The following NCAM2 variants were observed in gnomAD, a reference collection of about 807,000 sequenced individuals.
NCAM2 encodes the protein neural cell adhesion molecule 2, also known as N-CAM-2.
A neutral mutation model predicts 98.1 loss-of-function variants in NCAM2; 30 were observed. That is an observed-to-expected ratio of 0.31 (90% CI 0.23 to 0.41). The LOEUF (loss-of-function observed/expected upper bound fraction) is 0.41. Ranked by LOEUF, NCAM2 falls within the 10% of genes least tolerant of loss-of-function variation. The pLI is 1.00. For missense variants in NCAM2, 867 were observed against 1,005.8 expected (o/e 0.86, Z 1.87); for synonymous variants, 368 against 342.4 (o/e 1.07, Z -0.83).
At chr21:21,112,334 A>G (rs1034823665) in intron 1 of NCAM2, among the ~76,000 whole-genome samples, 1 of 152,004 alleles carries the variant, frequency 6.6e-6, no homozygotes, top group Non-Finnish European at 1.5e-5. Context: ...TTAGAGAAAT[A>G]TTTTTCATCT....
At chr21:21,443,167 A>G (rs1362862783) in intron 12 of NCAM2, among the ~76,000 whole-genome samples, 1 of 152,180 alleles carries the variant, frequency 6.6e-6, no homozygotes, top group Non-Finnish European at 1.5e-5. Context: ...TCAGTAAACT[A>G]TCACAAGGAC....
intron 1 of NCAM2, among the ~76,000 whole-genome samples, chr21:21,181,134 G>A (rs55749280): frequency 9.7e-4 from 148 of 152,210 alleles, no homozygotes; most frequent in African/African-American, 3.3e-3. Flanking sequence ...AAAAATGTAA[G>A]CACAGTTTTG....
At chr21:21,328,513 G>A (rs1210839606) in intron 6 of NCAM2, among the ~76,000 whole-genome samples, 6 of 151,988 alleles carry the variant, frequency 3.9e-5, no homozygotes, top group Admixed American at 3.9e-4. Context: ...AGATGTGGAG[G>A]TGGAAGACAT....
At chr21:21,530,314 A>G (rs2041381583) in intron 16 of NCAM2, among the ~76,000 whole-genome samples, 1 of 23,520 alleles carries the variant, frequency 4.3e-5, no homozygotes, top group South Asian at 7.1e-4. Flanking sequence ...TAAATTATAT[A>G]TAATTAAATT....
intron 15 of NCAM2, among the ~76,000 whole-genome samples, chr21:21,495,995 TATATATATGAAATATATATATAATA>T: frequency 7.0e-6 from 1 of 141,910 alleles, no homozygotes; most frequent in African/African-American, 2.6e-5. Flanking sequence ...TGTGTGTGTA[TATATATATGAAATATATATATAATA>T]TATAAAATAT....
chr21:21,010,286 A>G (rs1225783404), intron 1 of NCAM2, among the ~76,000 whole-genome samples: 2 of 152,048 alleles, frequency 1.3e-5, no homozygotes, highest in African/African-American at 4.8e-5. Flanking sequence ...CAATTTAAGA[A>G]CAAAACTTAA....
intron 1 of NCAM2, among the ~76,000 whole-genome samples, chr21:21,262,911 A>G (rs1156877106): frequency 6.6e-6 from 1 of 152,086 alleles, no homozygotes; most frequent in Non-Finnish European, 1.5e-5. Context: ...TAAAATCATC[A>G]GCTCTCATGA....
At chr21:21,361,099 A>G (rs1052864639) in intron 8 of NCAM2, among the ~76,000 whole-genome samples, 6 of 152,104 alleles carry the variant, frequency 3.9e-5, no homozygotes, top group African/African-American at 1.4e-4. Context: ...TGAATGAAAT[A>G]TCTGAGTTTT....
chr21:21,100,889 A>T (rs2066228091), intron 1 of NCAM2, among the ~76,000 whole-genome samples: 1 of 152,062 alleles, frequency 6.6e-6, no homozygotes, highest in East Asian at 1.9e-4. Context: ...TGAATGTTAC[A>T]AATAGATGCA....
At chr21:21,088,845 G>T (rs879411122) in intron 1 of NCAM2, among the ~76,000 whole-genome samples, 3 of 151,996 alleles carry the variant, frequency 2.0e-5, no homozygotes, top group Non-Finnish European at 4.4e-5. Context: ...GGTGGCGGGC[G>T]CCTGTAGTCC....
intron 1 of NCAM2, among the ~76,000 whole-genome samples, chr21:21,062,010 T>A (rs2065333362): frequency 6.6e-6 from 1 of 152,154 alleles, no homozygotes; most frequent in South Asian, 2.1e-4. Context: ...CTAGACACCT[T>A]TAACCAAGAT....
At chr21:21,486,264 A>G (rs564658452) in intron 15 of NCAM2, among the ~76,000 whole-genome samples, 2 of 131,632 alleles carry the variant, frequency 1.5e-5, no homozygotes, top group Non-Finnish European at 1.6e-5. Flanking sequence ...AGATCGCGCC[A>G]CTGCACTCCA....
At chr21:21,131,828 T>C (rs895776660) in intron 1 of NCAM2, among the ~76,000 whole-genome samples, 1 of 152,194 alleles carries the variant, frequency 6.6e-6, no homozygotes, top group Non-Finnish European at 1.5e-5. Flanking sequence ...ACTTCTGTTA[T>C]GGCCAAGATA....
intron 1 of NCAM2, among the ~76,000 whole-genome samples, chr21:21,187,279 T>C (rs2068671635): frequency 6.6e-6 from 1 of 152,098 alleles, no homozygotes; most frequent in African/African-American, 2.4e-5. Context: ...TACTTACTAA[T>C]TTGAGTAGCC....
chr21:21,128,244 GTT>G (rs71195303), intron 1 of NCAM2, among the ~76,000 whole-genome samples: 224 of 149,948 alleles, frequency 1.5e-3, no homozygotes, highest in African/African-American at 4.7e-3. Flanking sequence ...ATTTGTGAGG[GTT>G]TTTTTTTTTT....
At chr21:21,189,972 T>C (rs1248726306) in intron 1 of NCAM2, among the ~76,000 whole-genome samples, 1 of 152,180 alleles carries the variant, frequency 6.6e-6, no homozygotes, top group Non-Finnish European at 1.5e-5. Flanking sequence ...GCAAGGTGGT[T>C]CTATTTGTAT....
chr21:21,427,011 A>G (rs2077227966), intron 11 of NCAM2, among the ~76,000 whole-genome samples: 2 of 152,208 alleles, frequency 1.3e-5, no homozygotes, highest in Admixed American at 1.3e-4. Context: ...GTTTACAAAA[A>G]TCAAACTCTT....
chr21:21,522,838 G>A (rs1989107815), intron 16 of NCAM2, among the ~76,000 whole-genome samples: 1 of 151,762 alleles, frequency 6.6e-6, no homozygotes, highest in African/African-American at 2.4e-5. Context: ...CGCCATGCTG[G>A]CCAGGCGTGT....
intron 1 of NCAM2, among the ~76,000 whole-genome samples, chr21:21,213,870 C>T (rs1326796013): frequency 6.6e-6 from 1 of 152,082 alleles, no homozygotes; most frequent in Non-Finnish European, 1.5e-5. Context: ...TTAGGGGTGA[C>T]AGGAGGATGT....
Sources: gnomAD v4.1 joint callset for allele counts (sites outside exome capture counted in the v4.1 genomes callset) on GRCh38, gnomAD v4.1.1 for gene constraint, MANE v1.5 for transcripts, NCBI Gene and HGNC (gene_info 2026-07-23, HGNC 2026-07-21) for gene names.